Variants in MYO16 observed in about 807,000 individuals in gnomAD.
MYO16 encodes myosin XVI, also known as unconventional myosin-XVI.
A neutral mutation model predicts 205.3 loss-of-function variants in MYO16; 94 were observed. That is an observed-to-expected ratio of 0.46 (90% CI 0.39 to 0.54). The LOEUF (loss-of-function observed/expected upper bound fraction) is 0.54, where lower values mean the gene tolerates loss of function less well. Ranked by LOEUF, MYO16 falls within the 20% of genes least tolerant of loss-of-function variation. The probability of loss-of-function intolerance (pLI) is 0.00; values close to 1 mark genes in which losing one functional copy is unlikely to be tolerated. For synonymous variants in MYO16, 988 were observed against 954.0 expected (o/e 1.04, Z -0.66); for missense variants, 2,315 against 2,387.5 (o/e 0.97, Z 0.63).
At chr13:108,717,491 G>T (rs1406696437) in intron 3 of MYO16, among the ~76,000 whole-genome samples, 1 of 151,826 alleles carries the variant, frequency 6.6e-6, no homozygotes, top group Non-Finnish European at 1.5e-5. Flanking sequence ...TTAGCCGGGC[G>T]TGGTGGTGGG....
At chr13:108,572,627 C>T in the MYO16 span, among the ~76,000 whole-genome samples, 2 of 152,162 alleles carry the variant, frequency 1.3e-5, no homozygotes, top group Non-Finnish European at 2.9e-5. Context: ...TTAGGTCCTT[C>T]CCTCTCCATT....
chr13:109,130,934 C>T (rs1876503816), intron 31 of MYO16, among the ~76,000 whole-genome samples: 7 of 152,294 alleles, frequency 4.6e-5, no homozygotes, highest in Admixed American at 3.9e-4. Context: ...TCAGTAGCCA[C>T]AGGGGTAGAA....
chr13:108,957,396 A>AAAAC (rs988237771), intron 16 of MYO16, among the ~76,000 whole-genome samples: 6 of 151,064 alleles, frequency 4.0e-5, no homozygotes, highest in African/African-American at 1.5e-4. Context: ...AAAAAAAAAA[A>AAAAC]AAAAACAAAA....
At chr13:108,961,736 C>A in intron 18 of MYO16, 80 bp downstream of exon 18, 1 of 1,110,634 alleles carries the variant, frequency 9.0e-7, no homozygotes, top group Non-Finnish European at 1.4e-6. Context: ...CGACATAGTA[C>A]AGAAAAGCCA....
At chr13:109,199,415 TA>T in intron 34 of MYO16, among the ~76,000 whole-genome samples, 1 of 151,774 alleles carries the variant, frequency 6.6e-6, no homozygotes, top group Non-Finnish European at 1.5e-5. Context: ...GAGTCCTTTG[TA>T]CTTTCCCAGT....
intron 11 of MYO16, among the ~76,000 whole-genome samples, chr13:108,858,444 T>C (rs150270466): frequency 3.3e-5 from 5 of 152,278 alleles, no homozygotes; most frequent in East Asian, 3.9e-4. Flanking sequence ...CTTTCCTCCC[T>C]GGCTCATGGC....
chr13:109,149,450 A>G (rs536024754), intron 32 of MYO16, among the ~76,000 whole-genome samples: 11 of 152,308 alleles, frequency 7.2e-5, no homozygotes, highest in African/African-American at 2.6e-4. Flanking sequence ...CACAAAAACT[A>G]ATCAGTCTCA....
chr13:108,844,508 A>G lies in MYO16; in HGVS notation c.1248+15A>G. ...AACCCGAGCAGGTAATCATGCTTTC[A>G]CTGTGTGTCTACCAGTACTTTTTCA... On this transcript the variant is annotated intron_variant, in intron 10 of 34. Coordinates refer to ENST00000457511, the MANE Select transcript of MYO16 (RefSeq NM_001198950.3). 6.3e-7 allele frequency: 1 copy of G among 1,595,544 alleles called. No individual in the cohort carries two copies. Among genetic ancestry groups the G allele is most frequent in the African/African-American group, 1.3e-5 (1 of 74,732 alleles).
At chr13:108,652,237 T>C (rs1881046084) in intron 1 of MYO16, among the ~76,000 whole-genome samples, 1 of 152,214 alleles carries the variant, frequency 6.6e-6, no homozygotes, top group Admixed American at 6.5e-5. Flanking sequence ...TGCTAATTCC[T>C]GAACAACTAT....
chr13:108,500,231 T>G, the MYO16 span, among the ~76,000 whole-genome samples: 110 of 6,558 alleles, frequency 0.017, 7 homozygotes, highest in African/African-American at 0.034. Flanking sequence ...GTTTTTTTTT[T>G]GTTTTTTTTG....
In MYO16 at chr13:109,055,092, G is replaced by A. The variant is rs200881854; in HGVS notation, c.3095G>A (p.Arg1032Gln). 20 of 1,586,894 alleles carry A rather than the reference G, an allele frequency of 1.3e-5. No individual in the cohort carries two copies. In the East Asian group the frequency reaches 2.0e-4, roughly 16 times the overall value. Residue 1032 changes from arginine (R) to glutamine (Q), a missense_variant, in exon 26 of 35, where the codon CGA becomes CAA. By Grantham distance (43) the Arg-to-Gln change is conservative. Coordinates refer to ENST00000457511, the MANE Select transcript of MYO16 (RefSeq NM_001198950.3). The surrounding 1 kb of genome is among the most constrained non-coding windows in gnomAD (Gnocchi z 5.0). The part of the protein sequence containing the change: ...GTSTFLQRLE[R>Q]GDPVTIASQL... The stretch of plus-strand genomic sequence containing the variant: ...TCTACATTTCTTCAAAGATTGGAAC[G>A]AGGAGATCCAGTCACCATAGCATCA...
chr13:108,610,450 T>C (rs1879131055), intron 1 of MYO16, among the ~76,000 whole-genome samples: 1 of 152,186 alleles, frequency 6.6e-6, no homozygotes, highest in African/African-American at 2.4e-5. Context: ...AAAAGTACTC[T>C]TCTCTTATTG....
intron 6 of MYO16, among the ~76,000 whole-genome samples, chr13:108,795,883 T>C (rs910814767): frequency 6.6e-6 from 1 of 151,996 alleles, no homozygotes; most frequent in Non-Finnish European, 1.5e-5. Context: ...TTTGGATAGA[T>C]AGAGAGGAAA....
In MYO16 at chr13:109,127,188, G is replaced by A. The variant is rs1024758700; in HGVS notation, c.3783-94G>A. 6.8e-5 allele frequency: 98 copies of A among 1,431,744 alleles called. No homozygotes were observed. Among genetic ancestry groups the A allele is most frequent in the Non-Finnish European group, 8.4e-5 (91 of 1,083,762 alleles). The allele number at this position is 1,431,744 out of a possible 1,614,324, so 88.7% of individuals were successfully genotyped here. On this transcript the variant is annotated intron_variant, in intron 30 of 34. Coordinates refer to ENST00000457511, the MANE Select transcript of MYO16 (RefSeq NM_001198950.3). This position sits in a 1 kb window ranked among gnomAD's most constrained non-coding sequence, Gnocchi z 4.2. ...AGGAAGGGCTGCTTGCCAAAAAGCC[G>A]TCATTATGTCTGCTTGAGCAGGTTC...
intron 9 of MYO16, among the ~76,000 whole-genome samples, chr13:108,825,352 G>GA (rs1876194175): frequency 6.6e-6 from 1 of 151,712 alleles, no homozygotes. Context: ...CCTTTTATGA[G>GA]AAAAAAGTAA....
intron 16 of MYO16, among the ~76,000 whole-genome samples, chr13:108,912,917 A>G (rs1048071044): frequency 6.6e-5 from 10 of 152,264 alleles, no homozygotes; most frequent in African/African-American, 2.2e-4. Context: ...TGTAACCTAT[A>G]ATTTAAATAA....
At position 109,110,249 on chromosome 13, in the gene MYO16, G is replaced by C. The variant is rs186130151; in HGVS notation, c.3438+9362G>C. Among the ~76,000 whole-genome samples the C allele has an allele frequency of 6.6e-5, 10 of 152,224 alleles. No individual in the cohort carries two copies. In the East Asian group the frequency reaches 1.9e-3, roughly 29 times the overall value. On this transcript the variant is annotated intron_variant, in intron 28 of 34. Coordinates refer to ENST00000457511, the MANE Select transcript of MYO16 (RefSeq NM_001198950.3). Reference sequence around the variant, plus strand: ...ATTACCTTTGTTTGGGTGTGGCTTTGGTAAGCTTTTTCACAATGTGTCTCT... The same window carrying C: ...ATTACCTTTGTTTGGGTGTGGCTTTCGTAAGCTTTTTCACAATGTGTCTCT...
At chr13:108,714,265 T>C (rs1316050821) in intron 3 of MYO16, among the ~76,000 whole-genome samples, 5 of 152,082 alleles carry the variant, frequency 3.3e-5, no homozygotes, top group African/African-American at 9.7e-5. Context: ...CCATGTTCGC[T>C]AGGATAGTCT....
At chr13:108,516,389 G>T in the MYO16 span, among the ~76,000 whole-genome samples, 1 of 152,016 alleles carries the variant, frequency 6.6e-6, no homozygotes, top group African/African-American at 2.4e-5. Flanking sequence ...ACTCCCTAGT[G>T]AGATGAACCC....
Sources: gnomAD v4.1 joint callset for allele counts (sites outside exome capture counted in the v4.1 genomes callset) on GRCh38, gnomAD v4.1.1 for gene constraint, Gnocchi (gnomAD v3.1) non-coding constraint, MANE v1.5 for transcripts, NCBI Gene and HGNC (gene_info 2026-07-23, HGNC 2026-07-21) for gene names.